The following UHRF1 variants were observed in gnomAD, a reference collection of about 807,000 sequenced individuals.
UHRF1 encodes the protein E3 ubiquitin-protein ligase UHRF1.
UHRF1 carries 9 observed loss-of-function variants against 96.5 expected under a neutral mutation model. The observed-to-expected ratio is 0.09, with a 90% confidence interval of 0.06 to 0.16. The LOEUF (loss-of-function observed/expected upper bound fraction) is 0.16, where lower values mean the gene tolerates loss of function less well. Among genes scored for constraint, UHRF1 ranks in the 10% least tolerant of loss-of-function variants. The probability of loss-of-function intolerance (pLI) is 1.00; values close to 1 mark genes in which losing one functional copy is unlikely to be tolerated. For missense variants in UHRF1, 626 were observed against 1,131.1 expected (o/e 0.55, Z 6.40); for synonymous variants, 455 against 469.9 (o/e 0.97, Z 0.41).
chr19:4,944,169 G>A lies in UHRF1; in HGVS notation c.1111G>A (p.Val371Ile), dbSNP rs768570349. 18 of 1,612,728 alleles carry A rather than the reference G, an allele frequency of 1.1e-5. No homozygotes were observed. Among genetic ancestry groups the A allele is most frequent in the Non-Finnish European group, 1.4e-5 (17 of 1,179,218 alleles). Reference sequence around the variant, plus strand: ...GTGCCGGAATGATGCCAGCGAGGTGGTACTGGCGGGAGAGCGGCTGAGAGA... The same window carrying A: ...GTGCCGGAATGATGCCAGCGAGGTGATACTGGCGGGAGAGCGGCTGAGAGA... ...PECRNDASEV[V>I]LAGERLRESK... Residue 371 changes from valine to isoleucine, a missense_variant, in exon 8 of 17, where the codon GTA becomes ATA. Around this residue, in one of 11 missense-constraint regions of UHRF1, gnomAD observed 69 missense variants for 159.8 expected, o/e 0.43. Transcript: ENST00000650932.
Position 4,920,590 on chromosome 19 carries a change from T to A in UHRF1, c.154-8632T>A, listed in dbSNP as rs571078076. 3.3e-5 allele frequency among the ~76,000 whole-genome samples: 5 copies of A among 152,220 alleles called. 1 individual carries two copies. The highest frequency in any genetic ancestry group is 1.2e-4 in the African/African-American group (5 of 41,528). Reference sequence around the variant, plus strand: ...TGGGATCTTGCTGTGTTGATCAGGGTGGAGCACAGTGGCTATTCACAGATG... The same window carrying A: ...TGGGATCTTGCTGTGTTGATCAGGGAGGAGCACAGTGGCTATTCACAGATG... On this transcript the variant is annotated intron_variant, in intron 2 of 16. Transcript: ENST00000650932.
At chr19:4,958,938 G>A (rs1222174855) in intron 16 of UHRF1, among the ~76,000 whole-genome samples, 1 of 151,100 alleles carries the variant, frequency 6.6e-6, no homozygotes, top group Non-Finnish European at 1.5e-5. Context: ...CTCCAGCCTG[G>A]GCGTCAGAGC....
intron 2 of UHRF1, among the ~76,000 whole-genome samples, chr19:4,917,697 G>T (rs1054967466): frequency 6.7e-6 from 1 of 148,922 alleles, no homozygotes; most frequent in South Asian, 2.1e-4. Flanking sequence ...TCTTGCTGTC[G>T]TCCAGGCTGG....
chr19:4,908,113 T>C (rs979047786), upstream of UHRF1, among the ~76,000 whole-genome samples: 1 of 152,220 alleles, frequency 6.6e-6, no homozygotes, highest in African/African-American at 2.4e-5. Context: ...AAGGACATTG[T>C]GCCCACCTGG....
chr19:4,919,620 A>G (rs2032637429), intron 2 of UHRF1, among the ~76,000 whole-genome samples: 1 of 151,766 alleles, frequency 6.6e-6, no homozygotes, highest in Non-Finnish European at 1.5e-5. Context: ...CTTTTCTGAT[A>G]ATGATTTTCC....
At chr19:4,943,487 G>A (rs17883168) in intron 7 of UHRF1, among the ~76,000 whole-genome samples, 2,156 of 134,574 alleles carry the variant, frequency 0.016, 66 homozygotes, top group African/African-American at 0.058. Context: ...GGGTGTTGTT[G>A]TTGCCCTGCC....
chr19:4,929,252 G>A lies in UHRF1; in HGVS notation c.184G>A (p.Glu62Lys), dbSNP rs779354244. 19 of 1,613,882 alleles carry A rather than the reference G, an allele frequency of 1.2e-5. No homozygotes were observed. The highest frequency in any genetic ancestry group is 3.3e-5 in the Admixed American group (2 of 60,022). ...GGACGGCCATACCCTCTTCGACTAC[G>A]AGGTCCGCCTGAATGACACCATCCA... Reference protein sequence around the residue: ...MEDGHTLFDYEVRLNDTIQLL... With the variant: ...MEDGHTLFDYKVRLNDTIQLL... Residue 62 changes from glutamate (E) to lysine (K), a missense_variant, in exon 3 of 17, where the codon GAG becomes AAG. Glu to Lys is a moderately conservative substitution (Grantham distance 56). Around this residue, in one of 11 missense-constraint regions of UHRF1, gnomAD observed 53 missense variants for 95.9 expected, o/e 0.55. Coordinates refer to ENST00000650932, the MANE Select transcript of UHRF1 (RefSeq NM_001048201.3).
At chr19:4,944,763 T>C (rs1232580198) in intron 9 of UHRF1, among the ~76,000 whole-genome samples, 2 of 152,152 alleles carry the variant, frequency 1.3e-5, no homozygotes, top group South Asian at 2.1e-4. Context: ...TGATCTATCA[T>C]TGGGGCAGCC....
chr19:4,929,512 C>G, intron 3 of UHRF1, 36 bp downstream of exon 3: 1 of 1,588,306 alleles, frequency 6.3e-7, no homozygotes, highest in Non-Finnish European at 8.6e-7. Flanking sequence ...TGGGGTTGGA[C>G]GTTCTCCCTG....
In UHRF1 at chr19:4,961,796, TAATG is replaced by T. The variant is rs962762742; in HGVS notation, c.*996_*999del. ...GTTTTTTTAAAATTTTTTTTTCTCTTAATGAACACATTTTCTAAATGAATTTTTT... is the reference window on the plus strand; with the variant it reads ...GTTTTTTTAAAATTTTTTTTTCTCTTAACACATTTTCTAAATGAATTTTTT... On this transcript the variant is annotated 3_prime_UTR_variant, in exon 17 of 17. Transcript: ENST00000650932. The T allele has an allele frequency of 2.6e-5, 4 of 152,058 alleles. No homozygotes were observed. The highest frequency in any genetic ancestry group is 4.8e-5 in the African/African-American group (2 of 41,442). The allele number at this position is 152,058 out of a possible 1,614,324, so 9.4% of individuals were successfully genotyped here.
rs1004493846 is a variant in UHRF1, at chr19:4,948,469, C to G, written c.1517+1258C>G. On this transcript the variant is annotated intron_variant, in intron 11 of 16. Transcript: ENST00000650932. ...TTGACATGACACATGATGATAGTGT[C>G]TTTATCATATAAAGAGCTGTTGCAA... 1.3e-4 allele frequency among the ~76,000 whole-genome samples: 20 copies of G among 152,246 alleles called. 1 individual carries two copies. The highest frequency in any genetic ancestry group is 1.2e-3 in the South Asian group (6 of 4,824).
At position 4,919,777 on chromosome 19, in the gene UHRF1, C is replaced by T. The variant is rs189382407; in HGVS notation, c.153+8739C>T. The stretch of plus-strand genomic sequence containing the variant: ...CAATGATAGGAGACTTTACAAATTT[C>T]CATAATGGTAAATCTTCTTTCATTT... On this transcript the variant is annotated intron_variant, in intron 2 of 16. Transcript: ENST00000650932. 7.9e-5 allele frequency among the ~76,000 whole-genome samples: 12 copies of T among 152,022 alleles called. No individual in the cohort carries two copies. In the East Asian group the frequency reaches 2.3e-3, roughly 29 times the overall value.
intron 2 of UHRF1, among the ~76,000 whole-genome samples, chr19:4,921,450 C>T (rs980023849): frequency 2.0e-5 from 3 of 149,596 alleles, no homozygotes; most frequent in Non-Finnish European, 4.5e-5. Context: ...AAAAAACAAA[C>T]GAAAAAGGAA....
Position 4,954,456 on chromosome 19 carries a change from C to A in UHRF1, c.1925C>A (p.Thr642Lys). 6.2e-7 allele frequency: 1 copy of A among 1,611,826 alleles called. No homozygotes were observed. Among genetic ancestry groups the A allele is most frequent in the African/African-American group, 1.3e-5 (1 of 74,908 alleles). The part of the protein sequence containing the change: ...QQEGGFASPR[T>K]GKGKWKRKSA... ...GAGGGGGGCTTCGCGTCCCCCAGGA[C>A]GGGCAAGGGCAAGTGGAAGCGGAAG... Residue 642 changes from threonine (T) to lysine (K), a missense_variant, in exon 14 of 17, where the codon ACG becomes AAG. Coordinates refer to ENST00000650932, the MANE Select transcript of UHRF1 (RefSeq NM_001048201.3). This position sits in a 1 kb window ranked among gnomAD's most constrained non-coding sequence, Gnocchi z 5.9.
At chr19:4,934,196 G>A (rs2033149476) in intron 5 of UHRF1, among the ~76,000 whole-genome samples, 1 of 149,048 alleles carries the variant, frequency 6.7e-6, no homozygotes, top group South Asian at 2.1e-4. Flanking sequence ...GCTAATTTTT[G>A]TATATATATA....
intron 5 of UHRF1, among the ~76,000 whole-genome samples, chr19:4,940,023 A>G (rs909644881): frequency 4.1e-5 from 6 of 148,136 alleles, no homozygotes; most frequent in African/African-American, 1.5e-4. Flanking sequence ...GACTGTCTCA[A>G]AAAAAAAAAA....
chr19:4,918,843 C>T (rs995499408), intron 2 of UHRF1, among the ~76,000 whole-genome samples: 9 of 151,124 alleles, frequency 6.0e-5, no homozygotes, highest in South Asian at 2.1e-4. Context: ...GCCTCAGCCT[C>T]GCAAGTAGCA....
At chr19:4,911,151 C>T in intron 2 of UHRF1, 113 bp downstream of exon 2, 8 of 1,016,296 alleles carry the variant, frequency 7.9e-6, no homozygotes, top group Non-Finnish European at 9.7e-6. Flanking sequence ...CTCGTCCGGT[C>T]CCACTTCATC....
chr19:4,941,416 C>T (rs1011288018), intron 5 of UHRF1, 112 bp from the exon 6 acceptor site: 11 of 751,110 alleles, frequency 1.5e-5, no homozygotes, highest in African/African-American at 8.7e-5. Context: ...TGCTAGGGGG[C>T]GTAGCTGAGC....
Sources: allele counts gnomAD v4.1 joint callset (sites outside exome capture counted in the v4.1 genomes callset), GRCh38; gene constraint gnomAD v4.1.1; regional missense constraint gnomAD v4.1.1; non-coding constraint Gnocchi (gnomAD v3.1); transcripts MANE v1.5; gene names NCBI Gene and HGNC (gene_info 2026-07-23, HGNC 2026-07-21).